Variants in MRAP2 observed in about 807,000 individuals in gnomAD.
MRAP2 encodes melanocortin-2 receptor accessory protein 2.
A neutral mutation model predicts 17.4 loss-of-function variants in MRAP2; 20 were observed. The ratio of observed to expected loss-of-function variants is 1.15; its 90% CI spans 0.81 to 1.67. The LOEUF (loss-of-function observed/expected upper bound fraction) is 1.67. MRAP2 is among the 40% of genes most tolerant of loss of function. MRAP2 has a pLI of 0.00. For missense variants in MRAP2, 238 were observed against 240.0 expected, an observed-to-expected ratio of 0.99 and a Z score of 0.05; for synonymous variants, 96 against 88.4, an observed-to-expected ratio of 1.09 and a Z score of -0.48.
At chr6:84,111,772 C>T in the MRAP2 span, among the ~76,000 whole-genome samples, 1 of 152,080 alleles carries the variant, frequency 6.6e-6, no homozygotes. Context: ...TTTTGAGATA[C>T]GTTCCATCAA....
At chr6:84,111,086 T>C in the MRAP2 span, among the ~76,000 whole-genome samples, 1 of 152,194 alleles carries the variant, frequency 6.6e-6, no homozygotes, top group African/African-American at 2.4e-5. Flanking sequence ...CTAAATGAGC[T>C]GTTTTTTTGG....
the MRAP2 span, among the ~76,000 whole-genome samples, chr6:84,115,603 T>C: frequency 6.6e-6 from 1 of 151,998 alleles, no homozygotes; most frequent in Non-Finnish European, 1.5e-5. Flanking sequence ...TCGCTGGTGT[T>C]CCGGGCACCA....
At chr6:84,035,181 C>T (rs536558404) in intron 1 of MRAP2, among the ~76,000 whole-genome samples, 1 of 152,102 alleles carries the variant, frequency 6.6e-6, no homozygotes, top group Admixed American at 6.5e-5. Flanking sequence ...TCTCGAAGCC[C>T]GAAACTGGAC....
At position 84,045,428 on chromosome 6, in the gene MRAP2, C is replaced by T. The variant is rs1337931580; in HGVS notation, c.-7-9884C>T. ...ACCTCCACGAATGACCTGCCCCCAG[C>T]CGTCACCCTTCATTGAAAATGAAGA... On this transcript the variant is annotated intron_variant, in intron 1 of 3. Transcript: ENST00000257776. 3 of 976,206 alleles carry T rather than the reference C, an allele frequency of 3.1e-6. No homozygotes were observed. In the African/African-American group the frequency reaches 5.3e-5, roughly 17 times the overall value. 60.5% of individuals were successfully genotyped at this position (976,206 alleles called of 1,614,324 possible).
the MRAP2 span, among the ~76,000 whole-genome samples, chr6:84,112,524 A>G: frequency 6.6e-6 from 1 of 152,094 alleles, no homozygotes; most frequent in Non-Finnish European, 1.5e-5. Context: ...CTAGCAGTCT[A>G]TCTATTTTGT....
chr6:84,067,946 G>T (rs2129169588), intron 3 of MRAP2, among the ~76,000 whole-genome samples: 1 of 152,132 alleles, frequency 6.6e-6, no homozygotes, highest in East Asian at 1.9e-4. Flanking sequence ...TTGGGTTCTT[G>T]CTCATGAAAT....
chr6:84,033,900 C>A lies in MRAP2; in HGVS notation c.-8+17C>A. The A allele has an allele frequency of 1.0e-6, 1 of 986,024 alleles. No individual in the cohort carries two copies. Among genetic ancestry groups the A allele is most frequent in the Non-Finnish European group, 1.2e-6 (1 of 830,158 alleles). The allele number at this position is 986,024 out of a possible 1,614,324, so 61.1% of individuals were successfully genotyped here. ...AGCCAGCCGGTAACCACGGGCGGGA[C>A]AGGGCGCCCAGGGCGGAGCAAAGCC... On this transcript the variant is annotated intron_variant, in intron 1 of 3. Coordinates refer to ENST00000257776, the MANE Select transcript of MRAP2 (RefSeq NM_138409.4).
intron 3 of MRAP2, among the ~76,000 whole-genome samples, chr6:84,073,408 C>A (rs904781433): frequency 3.9e-5 from 6 of 152,218 alleles, no homozygotes; most frequent in African/African-American, 1.4e-4. Context: ...CCCACTTCTG[C>A]AGTTGGGGCA....
intron 2 of MRAP2, among the ~76,000 whole-genome samples, chr6:84,059,704 A>G (rs192675851): frequency 6.6e-6 from 1 of 152,234 alleles, no homozygotes; most frequent in East Asian, 1.9e-4. Context: ...CCCCTTTACA[A>G]TAGTAGTCTC....
chr6:84,056,636 G>A (rs961016668), intron 2 of MRAP2, among the ~76,000 whole-genome samples: 1 of 152,074 alleles, frequency 6.6e-6, no homozygotes, highest in African/African-American at 2.4e-5. Flanking sequence ...TTAATATGTT[G>A]TTTTTCTAGG....
the MRAP2 span, among the ~76,000 whole-genome samples, chr6:84,144,131 C>T: frequency 6.6e-6 from 1 of 151,886 alleles, no homozygotes; most frequent in Admixed American, 6.6e-5. Context: ...TTGGGATGTT[C>T]CAGAGGGCCC....
intron 3 of MRAP2, among the ~76,000 whole-genome samples, chr6:84,074,827 G>A (rs1407875773): frequency 6.6e-6 from 1 of 152,180 alleles, no homozygotes; most frequent in East Asian, 1.9e-4. Context: ...CAGGAGTTGA[G>A]ATCCATTTAA....
At chr6:84,043,240 T>C (rs2099488124) in intron 1 of MRAP2, among the ~76,000 whole-genome samples, 1 of 152,232 alleles carries the variant, frequency 6.6e-6, no homozygotes, top group African/African-American at 2.4e-5. Context: ...CAGGCCGTTT[T>C]AGAATAGCAG....
At chr6:84,049,391 C>T (rs141003661) in intron 1 of MRAP2, among the ~76,000 whole-genome samples, 2,377 of 152,162 alleles carry the variant, frequency 0.016, 63 homozygotes, top group African/African-American at 0.054. Flanking sequence ...CACCACTGCA[C>T]TTCAGCCTGG....
At chr6:84,085,393 C>T (rs754744648) in intron 3 of MRAP2, among the ~76,000 whole-genome samples, 3 of 152,096 alleles carry the variant, frequency 2.0e-5, no homozygotes, top group Non-Finnish European at 4.4e-5. Flanking sequence ...AAAGAAAATC[C>T]CATAAATCAT....
intron 1 of MRAP2, 135 bp downstream of exon 1, chr6:84,034,018 GGGT>G: frequency 1.5e-6 from 1 of 658,224 alleles, no homozygotes; most frequent in Non-Finnish European, 1.9e-6. Context: ...CTAGAGAATG[GGGT>G]GGGAGGAGGA....
the MRAP2 span, among the ~76,000 whole-genome samples, chr6:84,099,462 A>C: frequency 6.6e-6 from 1 of 152,132 alleles, no homozygotes; most frequent in Non-Finnish European, 1.5e-5. Context: ...TCTCATGTTT[A>C]AATGTAACCT....
chr6:84,097,350 C>CT, the MRAP2 span, among the ~76,000 whole-genome samples: 6 of 152,286 alleles, frequency 3.9e-5, no homozygotes, highest in East Asian at 1.2e-3. Flanking sequence ...ACGATTGTGG[C>CT]TTTAAGTTTC....
intron 2 of MRAP2, among the ~76,000 whole-genome samples, chr6:84,060,993 C>G (rs970523030): frequency 2.6e-5 from 4 of 151,976 alleles, no homozygotes; most frequent in Non-Finnish European, 4.4e-5. Flanking sequence ...GCCACTGCGC[C>G]TGGCCCTTAT....
Sources: gnomAD v4.1 joint callset for allele counts (sites outside exome capture counted in the v4.1 genomes callset) on GRCh38, gnomAD v4.1.1 for gene constraint, MANE v1.5 for transcripts, NCBI Gene and HGNC (gene_info 2026-07-23, HGNC 2026-07-21) for gene names.